The following LRP1B variants were observed in gnomAD, a reference collection of about 807,000 sequenced individuals.
The protein encoded by LRP1B is low-density lipoprotein receptor-related protein 1B.
In LRP1B, 217 loss-of-function variants were observed where a neutral mutation model predicts 556.6. The observed-to-expected ratio is 0.39, with a 90% confidence interval of 0.35 to 0.44. The LOEUF (loss-of-function observed/expected upper bound fraction) is 0.44. LRP1B is among the 20% of genes least tolerant of loss of function. The pLI, the probability that LRP1B is intolerant of heterozygous loss-of-function variation, is 1.00. For missense variants in LRP1B, 5,053 were observed against 5,620.8 expected (o/e 0.90, Z 3.23); for synonymous variants, 2,047 against 1,865.8 (o/e 1.10, Z -2.50).
chr2:140,678,364 T>G (rs754455459), intron 41 of LRP1B, among the ~76,000 whole-genome samples: 7 of 152,296 alleles, frequency 4.6e-5, no homozygotes, highest in Non-Finnish European at 8.8e-5. Context: ...AGAGTAATTT[T>G]AGGAGATATT....
chr2:140,979,934 T>C (rs1696718676), intron 18 of LRP1B, among the ~76,000 whole-genome samples: 1 of 152,112 alleles, frequency 6.6e-6, no homozygotes, highest in African/African-American at 2.4e-5. Flanking sequence ...AATAGAAAGA[T>C]ACGTGTCTGG....
chr2:141,488,641 TG>T (rs1683206285), intron 2 of LRP1B, among the ~76,000 whole-genome samples: 1 of 152,018 alleles, frequency 6.6e-6, no homozygotes, highest in East Asian at 1.9e-4. Context: ...TTATTTTTTT[TG>T]TACAGACAGG....
At chr2:140,861,213 C>A (rs1692787419) in intron 27 of LRP1B, among the ~76,000 whole-genome samples, 1 of 152,070 alleles carries the variant, frequency 6.6e-6, no homozygotes, top group African/African-American at 2.4e-5. Flanking sequence ...TCAATATCAG[C>A]CTAGCCAACA....
At chr2:141,652,944 G>T (rs1435341463) in intron 2 of LRP1B, among the ~76,000 whole-genome samples, 4 of 152,278 alleles carry the variant, frequency 2.6e-5, no homozygotes, top group African/African-American at 9.6e-5. Flanking sequence ...AATACCAGGG[G>T]TGTTTGTAGG....
chr2:141,994,061 T>C (rs1219961995), intron 1 of LRP1B, among the ~76,000 whole-genome samples: 2 of 152,188 alleles, frequency 1.3e-5, no homozygotes, highest in Non-Finnish European at 2.9e-5. Context: ...AAAATTTCTT[T>C]ATTTTACAAG....
chr2:141,063,868 G>C (rs1019308383), intron 7 of LRP1B, among the ~76,000 whole-genome samples: 1 of 151,878 alleles, frequency 6.6e-6, no homozygotes, highest in Admixed American at 6.6e-5. Flanking sequence ...TGTGCAGGTG[G>C]TTTGACTTTG....
chr2:141,354,316 T>C (rs912649786), intron 3 of LRP1B, among the ~76,000 whole-genome samples: 6 of 152,052 alleles, frequency 3.9e-5, no homozygotes, highest in Admixed American at 2.6e-4. Flanking sequence ...TGTAGTTATC[T>C]AGAAGAAGGT....
At chr2:140,813,614 C>G (rs762109900) in intron 32 of LRP1B, 43 bp downstream of exon 32, 25 of 1,588,574 alleles carry the variant, frequency 1.6e-5, no homozygotes, top group Non-Finnish European at 2.0e-5. Flanking sequence ...AATCAACCCC[C>G]AATCAATACA....
At chr2:141,551,151 G>A (rs1232552159) in intron 2 of LRP1B, among the ~76,000 whole-genome samples, 1 of 151,910 alleles carries the variant, frequency 6.6e-6, no homozygotes, top group Non-Finnish European at 1.5e-5. Flanking sequence ...ACATAGATGT[G>A]TATTTCTTGT....
intron 18 of LRP1B, among the ~76,000 whole-genome samples, chr2:140,953,152 G>A (rs528994384): frequency 1.2e-4 from 18 of 152,008 alleles, no homozygotes; most frequent in East Asian, 1.9e-4. Context: ...GTGCAGTGGC[G>A]AGATCCAGAC....
intron 66 of LRP1B, among the ~76,000 whole-genome samples, chr2:140,409,872 G>T (rs889636156): frequency 1.3e-5 from 2 of 151,940 alleles, no homozygotes; most frequent in East Asian, 3.9e-4. Context: ...CCCAAACAAA[G>T]CTTTGCACTT....
chr2:141,945,113 T>C (rs1284033682), intron 1 of LRP1B, among the ~76,000 whole-genome samples: 4 of 152,196 alleles, frequency 2.6e-5, no homozygotes, highest in Non-Finnish European at 5.9e-5. Context: ...TGAGTCGTTT[T>C]TGGAGCAGAC....
chr2:140,463,330 T>C (rs1407126593), intron 60 of LRP1B, among the ~76,000 whole-genome samples: 1 of 152,358 alleles, frequency 6.6e-6, no homozygotes, highest in East Asian at 1.9e-4. Context: ...ATGCTTTATA[T>C]AACCTTAGGG....
intron 1 of LRP1B, among the ~76,000 whole-genome samples, chr2:142,063,999 C>A (rs993324832): frequency 6.6e-6 from 1 of 151,494 alleles, no homozygotes; most frequent in African/African-American, 2.4e-5. Context: ...AAGGCTTTTC[C>A]ATTTTTATTG....
intron 83 of LRP1B, among the ~76,000 whole-genome samples, chr2:140,300,511 G>T (rs888791681): frequency 6.6e-6 from 1 of 152,180 alleles, no homozygotes; most frequent in South Asian, 2.1e-4. Context: ...CATCCAGGGA[G>T]CTGGGGAGTT....
At chr2:141,908,982 T>C (rs1372374157) in intron 1 of LRP1B, among the ~76,000 whole-genome samples, 2 of 152,048 alleles carry the variant, frequency 1.3e-5, no homozygotes, top group Non-Finnish European at 2.9e-5. Context: ...ACGGTAGCCA[T>C]GGAGGTGTAA....
intron 7 of LRP1B, among the ~76,000 whole-genome samples, chr2:141,129,981 T>C (rs1701309226): frequency 6.6e-6 from 1 of 152,012 alleles, no homozygotes; most frequent in Admixed American, 6.6e-5. Context: ...TTAATATTTA[T>C]TTTAAAGGAA....
At chr2:141,756,099 C>A (rs1441491475) in intron 2 of LRP1B, among the ~76,000 whole-genome samples, 1 of 152,032 alleles carries the variant, frequency 6.6e-6, no homozygotes, top group East Asian at 1.9e-4. Flanking sequence ...AAACCTATCA[C>A]CTCCCAAATT....
At chr2:141,568,812 G>C (rs1394257493) in intron 2 of LRP1B, among the ~76,000 whole-genome samples, 1 of 151,234 alleles carries the variant, frequency 6.6e-6, no homozygotes, top group Non-Finnish European at 1.5e-5. Context: ...GGAGTGCAGT[G>C]GCACGATCTC....
Sources: allele counts gnomAD v4.1 joint callset (sites outside exome capture counted in the v4.1 genomes callset), GRCh38; gene constraint gnomAD v4.1.1; transcripts MANE v1.5; gene names NCBI Gene and HGNC (gene_info 2026-07-23, HGNC 2026-07-21).